The following ATG7 variants were observed in gnomAD, a reference collection of about 807,000 sequenced individuals.
The protein encoded by ATG7 is ubiquitin-like modifier-activating enzyme ATG7.
Under a neutral mutation model 82.4 loss-of-function variants are expected in ATG7, and 70 were observed. The ratio of observed to expected loss-of-function variants is 0.85; its 90% confidence interval spans 0.70 to 1.04. The LOEUF is 1.04. Ranked by LOEUF, ATG7 falls within the 50% of genes least tolerant of loss-of-function variation. ATG7 has a pLI of 0.00. For missense variants in ATG7, 792 were observed against 864.3 expected (o/e 0.92, Z 1.05); for synonymous variants, 287 against 313.0 (o/e 0.92, Z 0.88).
intron 20 of ATG7, among the ~76,000 whole-genome samples, chr3:11,484,941 C>T (rs1164750448): frequency 1.3e-5 from 2 of 152,014 alleles, no homozygotes; most frequent in African/African-American, 2.4e-5. Flanking sequence ...TCCAGTCTAT[C>T]GTTGTTGGAC....
chr3:11,412,977 T>G (rs2081050906), intron 19 of ATG7, among the ~76,000 whole-genome samples: 1 of 152,124 alleles, frequency 6.6e-6, no homozygotes, highest in African/African-American at 2.4e-5. Context: ...TTATAGTTTC[T>G]TTTTTTAGAT....
chr3:11,434,199 G>A (rs186746319), intron 20 of ATG7, among the ~76,000 whole-genome samples: 1 of 152,248 alleles, frequency 6.6e-6, no homozygotes, highest in Admixed American at 6.5e-5. Flanking sequence ...GAATATTTTT[G>A]TTTTGTTTTG....
intron 19 of ATG7, among the ~76,000 whole-genome samples, chr3:11,404,184 G>A (rs1025840907): frequency 7.1e-6 from 1 of 140,496 alleles, no homozygotes; most frequent in African/African-American, 2.7e-5. Context: ...CCAGACCGGA[G>A]TGCAGTGGTG....
At chr3:11,488,493 G>A (rs1021152491) in intron 20 of ATG7, 304 of 1,258,092 alleles carry the variant, frequency 2.4e-4, no homozygotes, top group Middle Eastern at 3.2e-4. Context: ...TGGGGCCCGC[G>A]GGTGTCAGCG....
intron 19 of ATG7, among the ~76,000 whole-genome samples, chr3:11,394,497 A>G (rs1272863075): frequency 6.6e-6 from 1 of 152,154 alleles, no homozygotes; most frequent in Non-Finnish European, 1.5e-5. Context: ...TTTTATGGCC[A>G]TTTGCTGATC....
At chr3:11,389,270 CT>C (rs1315344753) in intron 19 of ATG7, among the ~76,000 whole-genome samples, 6 of 134,982 alleles carry the variant, frequency 4.4e-5, no homozygotes, top group Non-Finnish European at 8.0e-5. Flanking sequence ...TGTGAAAGAA[CT>C]GTTTGAGAAT....
the ATG7 span, chr3:11,564,707 G>A: frequency 2.3e-5 from 28 of 1,201,918 alleles, no homozygotes; most frequent in African/African-American, 2.5e-4. Context: ...CCTCACCACC[G>A]CCCTCGGAGT....
intron 20 of ATG7, among the ~76,000 whole-genome samples, chr3:11,433,316 G>A (rs77308694): frequency 5.6e-4 from 57 of 102,342 alleles, no homozygotes; most frequent in South Asian, 1.5e-3. Context: ...AAAAAAAAAA[G>A]CTGCGTTTGT....
chr3:11,412,414 C>CT (rs1371143336), intron 19 of ATG7, among the ~76,000 whole-genome samples: 2 of 151,906 alleles, frequency 1.3e-5, no homozygotes, highest in South Asian at 2.1e-4. Context: ...GTTGGTTTCA[C>CT]TTTTTTTTGT....
downstream of ATG7, among the ~76,000 whole-genome samples, chr3:11,561,245 GA>G (rs1215869600): frequency 6.6e-6 from 1 of 152,186 alleles, no homozygotes; most frequent in Non-Finnish European, 1.5e-5. Context: ...CGAGCACAGG[GA>G]GGGGGAATCA....
intron 19 of ATG7, among the ~76,000 whole-genome samples, chr3:11,390,889 A>G (rs1281613374): frequency 6.6e-6 from 1 of 152,222 alleles, no homozygotes; most frequent in East Asian, 1.9e-4. Context: ...CTAGTGCAGC[A>G]GCAGTGAGCA....
chr3:11,472,264 C>T (rs767090063), intron 20 of ATG7, among the ~76,000 whole-genome samples: 6 of 152,080 alleles, frequency 3.9e-5, no homozygotes, highest in Admixed American at 1.3e-4. Context: ...TTCCCTGTAT[C>T]GCTTCATTTT....
intron 9 of ATG7, among the ~76,000 whole-genome samples, chr3:11,329,000 A>G (rs1951268951): frequency 6.6e-6 from 1 of 152,206 alleles, no homozygotes; most frequent in Non-Finnish European, 1.5e-5. Context: ...AGGCTGAGGC[A>G]CTAGAATTGC....
chr3:11,299,966 C>T (rs147974868), intron 5 of ATG7, among the ~76,000 whole-genome samples: 2,670 of 151,634 alleles, frequency 0.018, 81 homozygotes, highest in African/African-American at 0.059. Flanking sequence ...ACTCTGTCAC[C>T]CAGGCTGGAG....
At chr3:11,552,009 G>C (rs990903079) in intron 20 of ATG7, among the ~76,000 whole-genome samples, 7 of 152,096 alleles carry the variant, frequency 4.6e-5, no homozygotes, top group Admixed American at 2.6e-4. Flanking sequence ...TTGGCCTCCC[G>C]AAGTGCTGGG....
chr3:11,433,489 A>G (rs1443256989), intron 20 of ATG7, among the ~76,000 whole-genome samples: 2 of 152,144 alleles, frequency 1.3e-5, no homozygotes, highest in Non-Finnish European at 2.9e-5. Context: ...ACATCATACT[A>G]TGAGAAATGC....
At chr3:11,388,187 T>G (rs2078462659) in intron 19 of ATG7, among the ~76,000 whole-genome samples, 1 of 152,138 alleles carries the variant, frequency 6.6e-6, no homozygotes, top group Non-Finnish European at 1.5e-5. Context: ...GGGACTCCTT[T>G]TCCTCAACTG....
intron 20 of ATG7, among the ~76,000 whole-genome samples, chr3:11,527,306 T>TGTTGGCCAG (rs1057507248): frequency 1.3e-5 from 2 of 152,102 alleles, no homozygotes; most frequent in African/African-American, 4.8e-5. Context: ...GGTTTCGCCA[T>TGTTGGCCAG]GTTGGCCAGG....
At chr3:11,558,950 G>T, downstream of ATG7, 1 of 1,222,474 alleles carries the variant, frequency 8.2e-7, no homozygotes, top group Non-Finnish European at 1.1e-6. Context: ...CGTGGGCTCT[G>T]CAGACAGAAC....
Sources: allele counts gnomAD v4.1 joint callset (sites outside exome capture counted in the v4.1 genomes callset), GRCh38; gene constraint gnomAD v4.1.1; transcripts MANE v1.5; gene names NCBI Gene and HGNC (gene_info 2026-07-23, HGNC 2026-07-21).